PVT1: variants seen among roughly 807,000 people sequenced by gnomAD.
The protein encoded by PVT1 is CXCR4/PVT1 fusion.
At chr8:128,087,770 TGAGA>T (rs1814278280) in intron 5 of PVT1, among the ~76,000 whole-genome samples, 6 of 115,590 alleles carry the variant, frequency 5.2e-5, no homozygotes, top group Admixed American at 9.4e-5. Context: ...TTTTTTTTTT[TGAGA>T]TGGAGTCTCG....
At chr8:127,901,727 A>AACATAGAC (rs1815760890) in intron 3 of PVT1, among the ~76,000 whole-genome samples, 1 of 151,902 alleles carries the variant, frequency 6.6e-6, no homozygotes, top group Non-Finnish European at 1.5e-5. Flanking sequence ...GGGAAGATTA[A>AACATAGAC]ACATAGACAG....
At chr8:127,875,225 C>T (rs1286944575) in intron 2 of PVT1, among the ~76,000 whole-genome samples, 6 of 152,068 alleles carry the variant, frequency 3.9e-5, no homozygotes, top group East Asian at 1.9e-4. Context: ...GTTCTTCCTC[C>T]GGGTGTTACG....
chr8:127,854,768 A>G (rs1815144010), intron 2 of PVT1: 1 of 160,012 alleles, frequency 6.2e-6, no homozygotes, highest in African/African-American at 2.4e-5. Flanking sequence ...CAGGAAGAGC[A>G]TACACATCTC....
intron 2 of PVT1, among the ~76,000 whole-genome samples, chr8:127,867,910 G>A (rs1048011598): frequency 1.3e-5 from 2 of 152,120 alleles, no homozygotes; most frequent in African/African-American, 4.8e-5. Context: ...AGGGCAGGAC[G>A]TCCATCTCAA....
chr8:128,056,040 T>C (rs1394574256), intron 4 of PVT1, among the ~76,000 whole-genome samples: 1 of 152,204 alleles, frequency 6.6e-6, no homozygotes, highest in East Asian at 1.9e-4. Flanking sequence ...TTTTCAGGTT[T>C]ATGACTCTCA....
intron 3 of PVT1, among the ~76,000 whole-genome samples, chr8:127,962,771 A>G (rs1045390392): frequency 4.0e-5 from 6 of 151,698 alleles, no homozygotes; most frequent in Non-Finnish European, 8.8e-5. Flanking sequence ...TAATTTTTGT[A>G]TTTTTAGTAG....
chr8:127,992,259 G>A (rs1284935437), intron 4 of PVT1, among the ~76,000 whole-genome samples: 1 of 152,028 alleles, frequency 6.6e-6, no homozygotes, highest in African/African-American at 2.4e-5. Context: ...GGTGGCACAC[G>A]CCTGTAATCC....
At chr8:127,834,424 A>G (rs1040515812) in intron 2 of PVT1, among the ~76,000 whole-genome samples, 1 of 152,276 alleles carries the variant, frequency 6.6e-6, no homozygotes, top group Non-Finnish European at 1.5e-5. Context: ...TTAACTCAAG[A>G]TGGATTAAAG....
At position 128,012,669 on chromosome 8, in the gene PVT1, C is replaced by T. The variant is rs987409200; in HGVS notation, n.912+23378C>T. ...AGGGAAACAGTAGTCAAACAGTCAA[C>T]TCATTCTTTCTTGCACTCTTGCTGA... On this transcript the variant is annotated intron_variant and non_coding_transcript_variant, in intron 4 of 10. Transcript: ENST00000651587. Among the ~76,000 whole-genome samples, 3 of 152,292 alleles carry T rather than the reference C, an allele frequency of 2.0e-5. No individual in the cohort carries two copies. The South Asian group carries it at 6.2e-4, about 32-fold the overall frequency.
At chr8:127,874,465 G>A (rs1815383744) in intron 2 of PVT1, among the ~76,000 whole-genome samples, 1 of 152,182 alleles carries the variant, frequency 6.6e-6, no homozygotes, top group African/African-American at 2.4e-5. Flanking sequence ...AGCTAAAAGT[G>A]TAAGAGCTTG....
intron 3 of PVT1, among the ~76,000 whole-genome samples, chr8:127,952,982 T>C (rs1002402722): frequency 1.3e-5 from 2 of 152,198 alleles, no homozygotes; most frequent in African/African-American, 4.8e-5. Flanking sequence ...GCCAGGATGG[T>C]CTCGATCTCC....
chr8:128,084,073 A>G (rs1448681249), intron 5 of PVT1, among the ~76,000 whole-genome samples: 1 of 152,136 alleles, frequency 6.6e-6, no homozygotes, highest in African/African-American at 2.4e-5. Flanking sequence ...CTCCTAATCT[A>G]TCTTCCTGTT....
chr8:127,824,846 A>G (rs879930004), intron 2 of PVT1, among the ~76,000 whole-genome samples: 1 of 152,134 alleles, frequency 6.6e-6, no homozygotes, highest in Non-Finnish European at 1.5e-5. Flanking sequence ...GTGGCCGGGC[A>G]TGAAGGCTCC....
At chr8:127,970,878 C>G (rs1206194396) in intron 3 of PVT1, among the ~76,000 whole-genome samples, 1 of 152,222 alleles carries the variant, frequency 6.6e-6, no homozygotes, top group Non-Finnish European at 1.5e-5. Context: ...ACTCAGCTAA[C>G]TGATGTCATG....
chr8:127,838,906 A>G (rs1309058922), intron 2 of PVT1, among the ~76,000 whole-genome samples: 2 of 152,198 alleles, frequency 1.3e-5, no homozygotes, highest in Admixed American at 1.3e-4. Context: ...ATTATAATAC[A>G]GTATTTTTAC....
chr8:127,916,106 C>T (rs116229954), intron 3 of PVT1, among the ~76,000 whole-genome samples: 4,378 of 152,326 alleles, frequency 0.029, 215 homozygotes, highest in African/African-American at 0.099. Flanking sequence ...ACTATGTGGT[C>T]ATGGATGAGT....
chr8:127,869,350 C>T (rs947926486), intron 2 of PVT1, among the ~76,000 whole-genome samples: 40 of 152,126 alleles, frequency 2.6e-4, no homozygotes, highest in African/African-American at 8.9e-4. Context: ...AGGCTGGTCT[C>T]GAACTCCTGA....
At chr8:128,041,496 G>GGT (rs59909664) in intron 4 of PVT1, among the ~76,000 whole-genome samples, 90,616 of 147,728 alleles carry the variant, frequency 0.61, 27,653 homozygotes, top group East Asian at 0.79. Context: ...GTATGTGTTT[G>GGT]GTATGTGTGT....
intron 3 of PVT1, among the ~76,000 whole-genome samples, chr8:127,945,508 C>T (rs1816409573): frequency 6.6e-6 from 1 of 152,120 alleles, no homozygotes; most frequent in Admixed American, 6.5e-5. Context: ...TGGTAGTTCC[C>T]CTGATTGCCA....
Sources: allele counts gnomAD v4.1 joint callset (sites outside exome capture counted in the v4.1 genomes callset), GRCh38; gene constraint gnomAD v4.1.1; transcripts MANE v1.5; gene names NCBI Gene and HGNC (gene_info 2026-07-23, HGNC 2026-07-21).